The following KDM4C variants were observed in gnomAD, a reference collection of about 807,000 sequenced individuals.
KDM4C encodes lysine demethylase 4C.
In KDM4C, 81 loss-of-function variants were observed where a neutral mutation model predicts 129.3. The ratio of observed to expected loss-of-function variants is 0.63; its 90% CI spans 0.52 to 0.75. KDM4C has a LOEUF of 0.75. KDM4C is among the 30% of genes least tolerant of loss of function. The pLI, the probability that KDM4C is intolerant of heterozygous loss-of-function variation, is 0.00. For synonymous variants in KDM4C, 573 were observed against 456.1 expected (o/e 1.26, Z -3.26); for missense variants, 1,457 against 1,304.0 (o/e 1.12, Z -1.81).
chr9:6,930,303 C>T (rs1367864814), intron 8 of KDM4C, among the ~76,000 whole-genome samples: 2 of 152,146 alleles, frequency 1.3e-5, no homozygotes, highest in Non-Finnish European at 2.9e-5. Context: ...CACTATTTCA[C>T]TGACTTGTCA....
At chr9:6,934,707 C>T (rs1824429670) in intron 8 of KDM4C, among the ~76,000 whole-genome samples, 1 of 151,756 alleles carries the variant, frequency 6.6e-6, no homozygotes, top group Non-Finnish European at 1.5e-5. Flanking sequence ...CGTGATCCGC[C>T]CACCTCGGCC....
chr9:6,779,451 G>T (rs934767618), intron 1 of KDM4C, among the ~76,000 whole-genome samples: 2 of 152,198 alleles, frequency 1.3e-5, no homozygotes, highest in South Asian at 4.1e-4. Context: ...GTTCTGGCAC[G>T]ATTCCTGACC....
chr9:6,925,247 A>C, intron 8 of KDM4C: 1 of 985,436 alleles, frequency 1.0e-6, no homozygotes, highest in Non-Finnish European at 1.2e-6. Context: ...AGACGGAATA[A>C]TTATGAACAG....
In KDM4C at chr9:6,995,820, T is replaced by C. The variant is rs368728989; in HGVS notation, c.1786+5296T>C. ...CCAAGTAGCTGGGACTACAGGCGCC[T>C]GCCACCACGCCCGGCTAATTTTTTG... On this transcript the variant is annotated intron_variant, in intron 12 of 21. Coordinates refer to ENST00000381309, the MANE Select transcript of KDM4C (RefSeq NM_015061.6). Among the ~76,000 whole-genome samples, 795 of 152,102 alleles carry C rather than the reference T, an allele frequency of 5.2e-3. 2 individuals are homozygous for C. The highest frequency in any genetic ancestry group is 0.022 in the South Asian group (104 of 4,790).
chr9:6,852,155 C>T (rs556049660), intron 5 of KDM4C, among the ~76,000 whole-genome samples: 65 of 152,162 alleles, frequency 4.3e-4, no homozygotes, highest in African/African-American at 1.5e-3. Flanking sequence ...TATTACATTT[C>T]CTCAGCATAA....
chr9:6,738,531 C>G (rs984921236), intron 1 of KDM4C, among the ~76,000 whole-genome samples: 1 of 152,178 alleles, frequency 6.6e-6, no homozygotes, highest in Admixed American at 6.5e-5. Context: ...CCTCCCAAGG[C>G]TCAGGTGATC....
At chr9:6,960,605 A>G (rs10975939) in intron 8 of KDM4C, among the ~76,000 whole-genome samples, 13,448 of 152,222 alleles carry the variant, frequency 0.088, 1,538 homozygotes, top group African/African-American at 0.26. Flanking sequence ...GTAGGAAAAA[A>G]GGAAGTTCTT....
chr9:6,762,179 A>G (rs1244131559), intron 1 of KDM4C, among the ~76,000 whole-genome samples: 1 of 152,014 alleles, frequency 6.6e-6, no homozygotes, highest in African/African-American at 2.4e-5. Context: ...TACATGTGCC[A>G]TGTTGGTTTG....
At chr9:6,869,717 C>G (rs1029282971) in intron 5 of KDM4C, among the ~76,000 whole-genome samples, 1 of 152,216 alleles carries the variant, frequency 6.6e-6, no homozygotes, top group Non-Finnish European at 1.5e-5. Flanking sequence ...CCTCCCTCTT[C>G]AAGGGGTATG....
At chr9:6,831,240 C>A (rs1351003830) in intron 4 of KDM4C, among the ~76,000 whole-genome samples, 1 of 152,158 alleles carries the variant, frequency 6.6e-6, no homozygotes, top group African/African-American at 2.4e-5. Context: ...ACAAATTGGG[C>A]ATTTAGTTTT....
chr9:6,907,451 T>C (rs977049314), intron 8 of KDM4C, among the ~76,000 whole-genome samples: 2 of 152,200 alleles, frequency 1.3e-5, no homozygotes, highest in African/African-American at 4.8e-5. Flanking sequence ...TTTTCAGTAG[T>C]ATCTGTACAT....
At chr9:6,789,656 G>A (rs958291388) in intron 1 of KDM4C, among the ~76,000 whole-genome samples, 2 of 151,938 alleles carry the variant, frequency 1.3e-5, no homozygotes, top group Non-Finnish European at 2.9e-5. Flanking sequence ...GTGAGCCACC[G>A]TGCCTGGACC....
At chr9:7,154,338 G>A (rs761772325) in intron 19 of KDM4C, among the ~76,000 whole-genome samples, 1 of 152,234 alleles carries the variant, frequency 6.6e-6, no homozygotes, top group African/African-American at 2.4e-5. Flanking sequence ...AAGGGGGACT[G>A]CCAGAGGAGC....
rs1266489365 is a variant in KDM4C, at chr9:7,170,078, A to T, written c.2994+188A>T. ...AATTCAACCAAAATCGGGGAAATTA[A>T]TGCATGTGCTTTACTTTTCTTCTAA... On this transcript the variant is annotated intron_variant, in intron 21 of 21. Transcript: ENST00000381309. 6.7e-6 allele frequency: 10 copies of T among 1,494,414 alleles called. No individual in the cohort carries two copies. In the East Asian group the frequency reaches 2.3e-4, roughly 34 times the overall value. 92.6% of individuals were successfully genotyped at this position (1,494,414 alleles called of 1,614,324 possible). A position where few individuals can be genotyped will look rare whatever the true frequency, so the allele number is the denominator to read the frequency against.
intron 18 of KDM4C, among the ~76,000 whole-genome samples, chr9:7,120,926 A>G (rs1839419989): frequency 6.6e-6 from 1 of 152,214 alleles, no homozygotes; most frequent in Admixed American, 6.5e-5. Context: ...ATTTTTAAAA[A>G]TTGGAAGGAC....
chr9:6,791,202 C>A (rs1826533769), intron 1 of KDM4C, among the ~76,000 whole-genome samples: 1 of 152,148 alleles, frequency 6.6e-6, no homozygotes. Flanking sequence ...ACTTCTACCT[C>A]CCAGGTTCAA....
chr9:7,144,878 T>A (rs1005994133), intron 19 of KDM4C, among the ~76,000 whole-genome samples: 5 of 152,242 alleles, frequency 3.3e-5, no homozygotes, highest in African/African-American at 1.2e-4. Flanking sequence ...GAGTGAGCAA[T>A]CTTTGACGTA....
chr9:7,007,569 T>C (rs1821904624), intron 12 of KDM4C, among the ~76,000 whole-genome samples: 1 of 152,228 alleles, frequency 6.6e-6, no homozygotes, highest in South Asian at 2.1e-4. Flanking sequence ...GATTGAAGCC[T>C]ACATCAGGTG....
At chr9:6,956,099 A>AGGAG (rs1829016556) in intron 8 of KDM4C, among the ~76,000 whole-genome samples, 2 of 151,938 alleles carry the variant, frequency 1.3e-5, no homozygotes, top group Admixed American at 1.3e-4. Flanking sequence ...CCAGAGGCTG[A>AGGAG]GGAGGGTAGT....
Sources: gnomAD v4.1 joint callset for allele counts (sites outside exome capture counted in the v4.1 genomes callset) on GRCh38, gnomAD v4.1.1 for gene constraint, MANE v1.5 for transcripts, NCBI Gene and HGNC (gene_info 2026-07-23, HGNC 2026-07-21) for gene names.